CHRM3: variants seen among roughly 807,000 people sequenced by gnomAD.
The protein encoded by CHRM3 is cholinergic receptor muscarinic 3.
CHRM3 carries 11 observed loss-of-function variants against 41.8 expected under a neutral mutation model. The ratio of observed to expected loss-of-function variants is 0.26; its 90% CI spans 0.17 to 0.44. The LOEUF (loss-of-function observed/expected upper bound fraction) is 0.44, where lower values mean the gene tolerates loss of function less well. Among genes scored for constraint, CHRM3 ranks in the 20% least tolerant of loss-of-function variants. The pLI is 1.00. For synonymous variants in CHRM3, 297 were observed against 301.4 expected (o/e 0.99, Z 0.15); for missense variants, 571 against 745.4 (o/e 0.77, Z 2.72).
At chr1:239,543,260 A>G (rs186031058) in intron 2 of CHRM3, among the ~76,000 whole-genome samples, 25 of 152,298 alleles carry the variant, frequency 1.6e-4, no homozygotes, top group Admixed American at 1.5e-3. Flanking sequence ...TGGGCCCGAC[A>G]TGAAGTGTGG....
At chr1:239,541,636 C>T (rs1658789016) in intron 2 of CHRM3, among the ~76,000 whole-genome samples, 1 of 152,082 alleles carries the variant, frequency 6.6e-6, no homozygotes, top group Non-Finnish European at 1.5e-5. Context: ...CTCAGCCTCC[C>T]AAGTAGCTGG....
At chr1:239,721,252 T>C (rs1662945900) in intron 5 of CHRM3, among the ~76,000 whole-genome samples, 1 of 151,814 alleles carries the variant, frequency 6.6e-6, no homozygotes, top group African/African-American at 2.4e-5. Flanking sequence ...GAATGCTGAA[T>C]AAAAAAGATA....
intron 1 of CHRM3, among the ~76,000 whole-genome samples, chr1:239,403,765 G>A (rs10925877): frequency 0.13 from 20,181 of 151,686 alleles, 1,427 homozygotes; most frequent in East Asian, 0.22. Flanking sequence ...GCCCAGGATC[G>A]TATACATCAT....
At chr1:239,411,498 G>A (rs894228476) in intron 1 of CHRM3, among the ~76,000 whole-genome samples, 4 of 151,902 alleles carry the variant, frequency 2.6e-5, no homozygotes, top group Non-Finnish European at 5.9e-5. Context: ...AGGCCGAGGT[G>A]GGTGGATCAT....
intron 5 of CHRM3, among the ~76,000 whole-genome samples, chr1:239,697,195 A>G (rs1382759955): frequency 6.6e-6 from 1 of 152,002 alleles, no homozygotes; most frequent in Non-Finnish European, 1.5e-5. Flanking sequence ...TGTGGGAGGG[A>G]CCTGGTGGGA....
chr1:239,584,598 A>G (rs1351347392), intron 3 of CHRM3, among the ~76,000 whole-genome samples: 2 of 152,216 alleles, frequency 1.3e-5, no homozygotes, highest in Non-Finnish European at 1.5e-5. Flanking sequence ...TAAACATTAA[A>G]TAGACTGAAG....
chr1:239,641,282 C>A (rs1295439746), intron 4 of CHRM3, among the ~76,000 whole-genome samples: 1 of 149,202 alleles, frequency 6.7e-6, no homozygotes, highest in Admixed American at 6.7e-5. Context: ...CTATTAGGTC[C>A]GCTTGGTGCA....
chr1:239,738,259 A>T (rs1020989394), intron 5 of CHRM3, among the ~76,000 whole-genome samples: 1 of 152,062 alleles, frequency 6.6e-6, no homozygotes, highest in Admixed American at 6.6e-5. Context: ...CTCCCTGATA[A>T]CCCCATGCCC....
At position 239,908,873 on chromosome 1, in the gene CHRM3, G is replaced by C. The variant is rs1680188425; in HGVS notation, c.1422G>C (p.Gln474His). 1.9e-6 allele frequency: 3 copies of C among 1,614,028 alleles called. No individual in the cohort carries two copies. Among genetic ancestry groups the C allele is most frequent in the African/African-American group, 1.3e-5 (1 of 74,904 alleles). ...AKRFALKTRSQITKRKRMSLV... is the reference protein window; with the variant it reads ...AKRFALKTRSHITKRKRMSLV... Reference sequence around the variant, plus strand: ...GGTTTGCTCTGAAGACCAGAAGTCAGATCACTAAGCGGAAAAGGATGTCCC... The same window carrying C: ...GGTTTGCTCTGAAGACCAGAAGTCACATCACTAAGCGGAAAAGGATGTCCC... The change falls in exon 7 of 7, where the codon CAG (glutamine) becomes CAC (histidine). Residue 474 changes from glutamine (Q) to histidine (H), a missense_variant. Coordinates refer to ENST00000676153, the MANE Select transcript of CHRM3 (RefSeq NM_001375978.1). The surrounding 1 kb of genome is among the most constrained non-coding windows in gnomAD (Gnocchi z 7.2).
At position 239,862,248 on chromosome 1, in the gene CHRM3, A is replaced by G. The variant is rs568180193; in HGVS notation, c.-20+34870A>G. On this transcript the variant is annotated intron_variant, in intron 6 of 6. Coordinates refer to ENST00000676153, the MANE Select transcript of CHRM3 (RefSeq NM_001375978.1). The stretch of plus-strand genomic sequence containing the variant: ...CAGACTTGTAGAAAACACCACTATT[A>G]CACTAGTCTGTTTCCCTGTTAGAAG... Among the ~76,000 whole-genome samples, 40 of 152,352 alleles carry G rather than the reference A, an allele frequency of 2.6e-4. No individual in the cohort carries two copies. The South Asian group carries it at 8.1e-3, about 31-fold the overall frequency.
intron 5 of CHRM3, among the ~76,000 whole-genome samples, chr1:239,789,922 G>A (rs562168948): frequency 2.0e-5 from 3 of 152,306 alleles, no homozygotes; most frequent in Admixed American, 6.5e-5. Context: ...AGACCTGGAT[G>A]TGAGACATGG....
At chr1:239,441,756 C>T (rs1412201825) in intron 1 of CHRM3, among the ~76,000 whole-genome samples, 2 of 150,472 alleles carry the variant, frequency 1.3e-5, no homozygotes, top group Non-Finnish European at 2.9e-5. Context: ...GTTGTAGCTA[C>T]TAATTATAAG....
intron 5 of CHRM3, among the ~76,000 whole-genome samples, chr1:239,744,979 G>A (rs111933433): frequency 0.019 from 2,826 of 152,212 alleles, 78 homozygotes; most frequent in African/African-American, 0.065. Flanking sequence ...GCAAGGACAT[G>A]GAGCAAGGGG....
chr1:239,842,365 G>A (rs1673884261), intron 6 of CHRM3, among the ~76,000 whole-genome samples: 1 of 152,104 alleles, frequency 6.6e-6, no homozygotes, highest in Non-Finnish European at 1.5e-5. Context: ...CTCCTGAGTA[G>A]CTAGGATTAT....
intron 1 of CHRM3, among the ~76,000 whole-genome samples, chr1:239,417,268 C>T (rs767339685): frequency 5.9e-5 from 9 of 152,186 alleles, no homozygotes; most frequent in Non-Finnish European, 1.0e-4. Context: ...AATTCATAGA[C>T]TTCATGGTAG....
At chr1:239,498,682 C>T (rs1247495525) in intron 2 of CHRM3, among the ~76,000 whole-genome samples, 3 of 152,066 alleles carry the variant, frequency 2.0e-5, no homozygotes, top group East Asian at 3.8e-4. Flanking sequence ...CTATCATGAA[C>T]TGGAATGTAG....
At chr1:239,511,303 C>A (rs1668901974) in intron 2 of CHRM3, among the ~76,000 whole-genome samples, 1 of 152,102 alleles carries the variant, frequency 6.6e-6, no homozygotes, top group African/African-American at 2.4e-5. Context: ...CTATGCAGTA[C>A]TGGTTATTGT....
At chr1:239,645,187 G>A (rs1158986365) in intron 4 of CHRM3, among the ~76,000 whole-genome samples, 1 of 152,182 alleles carries the variant, frequency 6.6e-6, no homozygotes, top group Non-Finnish European at 1.5e-5. Flanking sequence ...TAGACCTTAG[G>A]CACTGCACCA....
chr1:239,589,580 G>A (rs1406069745), intron 3 of CHRM3, among the ~76,000 whole-genome samples: 1 of 146,052 alleles, frequency 6.8e-6, no homozygotes, highest in Non-Finnish European at 1.5e-5. Flanking sequence ...TTCATGAACA[G>A]TGCTTGCAAT....
Sources: allele counts gnomAD v4.1 joint callset (sites outside exome capture counted in the v4.1 genomes callset), GRCh38; gene constraint gnomAD v4.1.1; non-coding constraint Gnocchi (gnomAD v3.1); transcripts MANE v1.5; gene names NCBI Gene and HGNC (gene_info 2026-07-23, HGNC 2026-07-21).